DSC3: variants seen among roughly 807,000 people sequenced by gnomAD.
DSC3 encodes the protein desmocollin-3.
A neutral mutation model predicts 89.5 loss-of-function variants in DSC3; 97 were observed. The observed-to-expected ratio is 1.08, with a 90% CI of 0.92 to 1.28. The LOEUF (loss-of-function observed/expected upper bound fraction) is 1.28, where lower values mean the gene tolerates loss of function less well. Among genes scored for constraint, DSC3 ranks in the 50% most tolerant of loss-of-function variants. DSC3 has a pLI of 0.00. For missense variants in DSC3, 1,199 were observed against 1,085.3 expected, an observed-to-expected ratio of 1.10 and a Z score of -1.47; for synonymous variants, 436 against 384.1, an observed-to-expected ratio of 1.14 and a Z score of -1.58.
intron 1 of DSC3, among the ~76,000 whole-genome samples, chr18:31,033,456 G>A (rs1184097353): frequency 6.6e-6 from 1 of 151,944 alleles, no homozygotes; most frequent in African/African-American, 2.4e-5. Context: ...CAGAAATAAG[G>A]CCTTACATTT....
In DSC3 at chr18:30,990,554, G is replaced by C. The variant is rs1984199384; in HGVS notation, c.*3621C>G. On this transcript the variant is annotated 3_prime_UTR_variant, in exon 16 of 16. Transcript: ENST00000360428. ...TTTGAAATGATCAGTCTTAACGTTT[G>C]TAGGGGAGCACACTCCTGCATGGGG... 1.3e-5 allele frequency: 2 copies of C among 152,216 alleles called. No homozygotes were observed. Among genetic ancestry groups the C allele is most frequent in the South Asian group, 4.1e-4 (2 of 4,832 alleles). The allele number at this position is 152,216 out of a possible 1,614,324, so 9.4% of individuals were successfully genotyped here.
intron 7 of DSC3, 93 bp from the exon 8 acceptor site, chr18:31,018,893 C>T: frequency 8.6e-7 from 1 of 1,160,930 alleles, no homozygotes; most frequent in Non-Finnish European, 1.2e-6. Flanking sequence ...CTCACATACA[C>T]ACACATCTGT....
At chr18:31,020,582 A>AT (rs202016628) in intron 7 of DSC3, among the ~76,000 whole-genome samples, 1,651 of 151,216 alleles carry the variant, frequency 0.011, 29 homozygotes, top group African/African-American at 0.037. Flanking sequence ...ATTTTTCTTC[A>AT]TTTTTTTTGT....
At chr18:31,035,764 A>T (rs1985949670) in intron 1 of DSC3, among the ~76,000 whole-genome samples, 1 of 152,144 alleles carries the variant, frequency 6.6e-6, no homozygotes, top group South Asian at 2.1e-4. Context: ...ATTAAAATTT[A>T]CACACGTAGC....
chr18:31,025,642 G>A (rs1333827576), intron 5 of DSC3, 118 bp downstream of exon 5: 1 of 1,094,854 alleles, frequency 9.1e-7, no homozygotes, highest in Non-Finnish European at 1.4e-6. Flanking sequence ...ATTTCCCATT[G>A]ACTCTAAGAT....
chr18:31,001,105 A>G (rs988239367), intron 14 of DSC3, among the ~76,000 whole-genome samples: 1 of 147,550 alleles, frequency 6.8e-6, no homozygotes, highest in Non-Finnish European at 1.5e-5. Context: ...ATATATATAT[A>G]TATATATACT....
rs1435904552 is a variant in DSC3 at position 30,992,749 on chromosome 18, T to C, written c.*1426A>G. ...TTCAAAATTTCTATTTCTTCTATTA[T>C]TTTAAAATTTCTCTGGAGAAAGCAA... On this transcript the variant is annotated 3_prime_UTR_variant, in exon 16 of 16. Transcript: ENST00000360428. 1 of 152,224 alleles carries C rather than the reference T, an allele frequency of 6.6e-6. No individual in the cohort carries two copies. The highest frequency in any genetic ancestry group is 1.5e-5 in the Non-Finnish European group (1 of 68,040). The allele number at this position is 152,224 out of a possible 1,614,324, so 9.4% of individuals were successfully genotyped here.
chr18:31,027,875 A>G (rs1186644691), intron 4 of DSC3, among the ~76,000 whole-genome samples: 1 of 152,138 alleles, frequency 6.6e-6, no homozygotes, highest in African/African-American at 2.4e-5. Flanking sequence ...AGAGAGAACT[A>G]TGTTTTCTGC....
chr18:31,012,592 A>C (rs1289591443), intron 9 of DSC3, among the ~76,000 whole-genome samples: 2 of 152,236 alleles, frequency 1.3e-5, no homozygotes, highest in Non-Finnish European at 2.9e-5. Flanking sequence ...CAGTCTACTC[A>C]TCTGGAAATG....
chr18:31,025,739 G>A (rs769037858), intron 5 of DSC3, 21 bp downstream of exon 5: 7 of 1,609,280 alleles, frequency 4.3e-6, no homozygotes, highest in East Asian at 4.5e-5. Flanking sequence ...TTAAAGTCAG[G>A]CATATCAATA....
chr18:31,005,943 T>C (rs1984823508), intron 12 of DSC3, among the ~76,000 whole-genome samples: 2 of 152,146 alleles, frequency 1.3e-5, no homozygotes, highest in Non-Finnish European at 2.9e-5. Flanking sequence ...TAGATGTTCA[T>C]AAATATCATG....
intron 14 of DSC3, among the ~76,000 whole-genome samples, chr18:30,997,518 C>T (rs115168938): frequency 0.01 from 1,576 of 152,238 alleles, 29 homozygotes; most frequent in African/African-American, 0.036. Context: ...GACCTAATCA[C>T]CTACTAAAGG....
At chr18:31,034,499 C>T (rs1985908148) in intron 1 of DSC3, among the ~76,000 whole-genome samples, 1 of 152,124 alleles carries the variant, frequency 6.6e-6, no homozygotes, top group African/African-American at 2.4e-5. Flanking sequence ...TAAACGTAAA[C>T]CTATATGATC....
chr18:30,997,413 A>AG (rs1223619641), intron 14 of DSC3, among the ~76,000 whole-genome samples: 1 of 152,128 alleles, frequency 6.6e-6, no homozygotes, highest in African/African-American at 2.4e-5. Context: ...GAGGAGCAAC[A>AG]GGGGGCTGAA....
chr18:31,033,566 G>A (rs899377813), intron 1 of DSC3, among the ~76,000 whole-genome samples: 12 of 152,066 alleles, frequency 7.9e-5, no homozygotes, highest in Admixed American at 2.0e-4. Flanking sequence ...GAATTTGAAC[G>A]CCTACCTCAA....
At chr18:30,994,976 C>A (rs750078277) in intron 15 of DSC3, among the ~76,000 whole-genome samples, 6 of 152,130 alleles carry the variant, frequency 3.9e-5, no homozygotes, top group Non-Finnish European at 5.9e-5. Context: ...ACTTCAGAAG[C>A]AAGTTTCCAA....
chr18:31,006,823 G>T (rs1984858803), intron 12 of DSC3, 84 bp downstream of exon 12: 2 of 1,111,850 alleles, frequency 1.8e-6, no homozygotes, highest in African/African-American at 1.6e-5. Flanking sequence ...TTTACTTCAT[G>T]CTTTGTGTAA....
chr18:31,009,770 G>A (rs530882105), intron 9 of DSC3, among the ~76,000 whole-genome samples: 1 of 152,298 alleles, frequency 6.6e-6, no homozygotes, highest in African/African-American at 2.4e-5. Context: ...AACGGGAAAA[G>A]GAGATAAACT....
At position 30,993,445 on chromosome 18, in the gene DSC3, T is replaced by C. The variant is rs972851166; in HGVS notation, c.*730A>G. ...AACTATTTCCTCATAGACTCAGTTA[T>C]AATGCAGCATTTAAGAGCCCAGGCC... is the stretch of plus-strand genomic sequence containing the variant. On this transcript the variant is annotated 3_prime_UTR_variant, in exon 16 of 16. Coordinates refer to ENST00000360428, the MANE Select transcript of DSC3 (RefSeq NM_001941.5). 1 of 152,346 alleles carries C rather than the reference T, an allele frequency of 6.6e-6. No individual in the cohort carries two copies. Among genetic ancestry groups the C allele is most frequent in the Admixed American group, 6.5e-5 (1 of 15,300 alleles). 9.4% of individuals were successfully genotyped at this position (152,346 alleles called of 1,614,324 possible). A position where few individuals can be genotyped will look rare whatever the true frequency, so the allele number is the denominator to read the frequency against.
Sources: allele counts gnomAD v4.1 joint callset (sites outside exome capture counted in the v4.1 genomes callset), GRCh38; gene constraint gnomAD v4.1.1; transcripts MANE v1.5; gene names NCBI Gene and HGNC (gene_info 2026-07-23, HGNC 2026-07-21).